The following TBC1D9 variants were observed in gnomAD, a reference collection of about 807,000 sequenced individuals.
The protein encoded by TBC1D9 is TBC1 domain family member 9A.
Under a neutral mutation model 132.0 loss-of-function variants are expected in TBC1D9, and 63 were observed. The observed-to-expected ratio is 0.48, with a 90% confidence interval of 0.39 to 0.59. The LOEUF (loss-of-function observed/expected upper bound fraction) is 0.59. TBC1D9 is among the 20% of genes least tolerant of loss of function. TBC1D9 has a pLI of 0.00. For synonymous variants in TBC1D9, 610 were observed against 609.9 expected, an observed-to-expected ratio of 1.00 and a Z score of 0.00; for missense variants, 1,261 against 1,592.7, an observed-to-expected ratio of 0.79 and a Z score of 3.54.
At chr4:140,670,695 A>C (rs1456303230) in intron 7 of TBC1D9, 25 bp downstream of exon 7, 1 of 1,607,194 alleles carries the variant, frequency 6.2e-7, no homozygotes, top group Admixed American at 1.7e-5. Context: ...TAAACCAAAA[A>C]TACTTTCAGG....
chr4:140,755,470 C>G (rs952887135), intron 1 of TBC1D9, among the ~76,000 whole-genome samples: 1 of 152,148 alleles, frequency 6.6e-6, no homozygotes, highest in Admixed American at 6.5e-5. Context: ...CCTTACTTAT[C>G]GCTTCCCTGG....
At chr4:140,680,213 A>G (rs1427613640) in intron 3 of TBC1D9, among the ~76,000 whole-genome samples, 1 of 152,190 alleles carries the variant, frequency 6.6e-6, no homozygotes, top group Admixed American at 6.5e-5. Context: ...CAAGATTAAT[A>G]AAAATTCATC....
intron 11 of TBC1D9, among the ~76,000 whole-genome samples, chr4:140,658,054 A>G (rs140603340): frequency 1.3e-3 from 205 of 152,296 alleles, no homozygotes; most frequent in African/African-American, 4.6e-3. Context: ...CAATCACATG[A>G]CAATTATAAG....
At chr4:140,624,683 A>G (rs1030432583) in intron 18 of TBC1D9, among the ~76,000 whole-genome samples, 2 of 152,210 alleles carry the variant, frequency 1.3e-5, no homozygotes, top group Non-Finnish European at 2.9e-5. Flanking sequence ...CCATAATTTT[A>G]TCTGACAACA....
Position 140,755,886 on chromosome 4 carries a change from C to G in TBC1D9, c.130+30G>C. The G allele has an allele frequency of 7.3e-6, 11 of 1,512,154 alleles. No homozygotes were observed. The South Asian group carries it at 1.2e-4, about 17-fold the overall frequency. The allele number at this position is 1,512,154 out of a possible 1,614,324, so 93.7% of individuals were successfully genotyped here. On this transcript the variant is annotated intron_variant, in intron 1 of 20. Transcript: ENST00000442267. ...GCGGCGCCGCAGCGCTCCCGGCTCCCCTCCTGCAGGGATCGGCCACGGTCC... is the reference window on the plus strand; with the variant it reads ...GCGGCGCCGCAGCGCTCCCGGCTCCGCTCCTGCAGGGATCGGCCACGGTCC...
chr4:140,695,155 T>C (rs1737934001), intron 2 of TBC1D9, among the ~76,000 whole-genome samples: 1 of 152,206 alleles, frequency 6.6e-6, no homozygotes, highest in Non-Finnish European at 1.5e-5. Flanking sequence ...TATTTAATTA[T>C]AAAAGCCAGC....
chr4:140,630,972 G>A (rs1326549015), intron 16 of TBC1D9, among the ~76,000 whole-genome samples: 1 of 152,108 alleles, frequency 6.6e-6, no homozygotes, highest in Admixed American at 6.5e-5. Context: ...CCAAATACTG[G>A]GTCCAAGGGT....
chr4:140,754,104 G>A (rs1349607504), intron 1 of TBC1D9, among the ~76,000 whole-genome samples: 1 of 152,162 alleles, frequency 6.6e-6, no homozygotes, highest in Non-Finnish European at 1.5e-5. Context: ...CAAGTGGACC[G>A]TAGTCAGTTA....
chr4:140,747,520 A>C (rs1424170729), intron 1 of TBC1D9, among the ~76,000 whole-genome samples: 1 of 152,208 alleles, frequency 6.6e-6, no homozygotes, highest in Non-Finnish European at 1.5e-5. Flanking sequence ...TACCAATATC[A>C]ACTAATCAGG....
intron 1 of TBC1D9, among the ~76,000 whole-genome samples, chr4:140,720,916 G>C (rs1353209507): frequency 4.6e-5 from 7 of 152,214 alleles, no homozygotes; most frequent in Non-Finnish European, 8.8e-5. Context: ...TGTGCGCCCA[G>C]ACAGGAGCCA....
chr4:140,679,912 GA>G, intron 3 of TBC1D9, 69 bp from the exon 4 acceptor site: 1 of 1,303,320 alleles, frequency 7.7e-7, no homozygotes, highest in South Asian at 1.7e-5. Context: ...TATTCCAGAA[GA>G]AAAAATTTCT....
chr4:140,688,114 G>A (rs1737817161), intron 2 of TBC1D9, among the ~76,000 whole-genome samples: 1 of 152,030 alleles, frequency 6.6e-6, no homozygotes, highest in South Asian at 2.1e-4. Flanking sequence ...AAAAAAGCAG[G>A]TATCTTAGTG....
chr4:140,724,040 G>A (rs1578856876), intron 1 of TBC1D9, among the ~76,000 whole-genome samples: 2 of 152,308 alleles, frequency 1.3e-5, no homozygotes, highest in Middle Eastern at 6.8e-3. Context: ...AGCCAAAAAT[G>A]TCAAGTTAAA....
chr4:140,648,292 A>C (rs1217670301), intron 13 of TBC1D9, among the ~76,000 whole-genome samples: 5 of 151,920 alleles, frequency 3.3e-5, no homozygotes, highest in African/African-American at 1.2e-4. Context: ...ATGTAATCCA[A>C]CTCAATTCTT....
rs755457722 is a variant in TBC1D9, at chr4:140,678,958, C to A, written c.835G>T (p.Val279Leu). The A allele has an allele frequency of 1.2e-6, 2 of 1,613,874 alleles. No homozygotes were observed. Among genetic ancestry groups the A allele is most frequent in the South Asian group, 1.1e-5 (1 of 91,078 alleles). Residue 279 changes from valine to leucine, a missense_variant, in exon 5 of 21, where the codon GTG (valine) becomes TTG (leucine). Val to Leu is a conservative substitution (Grantham distance 32, BLOSUM62 1). This residue lies in a region of TBC1D9 where 550 missense variants were observed against 699.0 expected (regional missense o/e 0.79). Transcript: ENST00000442267. ...PKLKRKSPKK[V>L]SALKRDLDAR... ...ATCACCCACCGTTTTAGAGCAGACA[C>A]TTTTTTAGGAGATTTCCTTTTGAGT... is the stretch of plus-strand genomic sequence containing the variant.
rs768420116 is a variant in TBC1D9 at position 140,755,774 on chromosome 4, C to T, written c.130+142G>A. On this transcript the variant is annotated intron_variant, in intron 1 of 20. Transcript: ENST00000442267. ...TGCCCAACCTGAACATCACGACTCT[C>T]GATGCCTCGCATACAACGAGGCAGG... 6.2e-4 allele frequency: 808 copies of T among 1,298,944 alleles called. 2 individuals carry two copies. Among genetic ancestry groups the T allele is most frequent in the Middle Eastern group, 1.1e-3 (4 of 3,558 alleles). 80.5% of individuals were successfully genotyped at this position (1,298,944 alleles called of 1,614,324 possible). A position where few individuals can be genotyped will look rare whatever the true frequency, so the allele number is the denominator to read the frequency against.
chr4:140,709,462 A>G (rs1257301297), intron 1 of TBC1D9, among the ~76,000 whole-genome samples: 7 of 151,922 alleles, frequency 4.6e-5, no homozygotes, highest in African/African-American at 9.7e-5. Flanking sequence ...AATCTGTTAC[A>G]GACTGACACT....
chr4:140,668,851 A>C, intron 9 of TBC1D9, 66 bp downstream of exon 9: 4 of 1,565,224 alleles, frequency 2.6e-6, no homozygotes, highest in Non-Finnish European at 3.5e-6. Context: ...GACTGAAGGC[A>C]CAGGGAGGCC....
chr4:140,644,498 G>GC, intron 13 of TBC1D9: 1 of 298,974 alleles, frequency 3.3e-6, no homozygotes, highest in East Asian at 1.3e-4. Flanking sequence ...CGGCAGCCAG[G>GC]CGGGGGGCTT....
Sources: allele counts gnomAD v4.1 joint callset (sites outside exome capture counted in the v4.1 genomes callset), GRCh38; gene constraint gnomAD v4.1.1; regional missense constraint gnomAD v4.1.1; transcripts MANE v1.5; gene names NCBI Gene and HGNC (gene_info 2026-07-23, HGNC 2026-07-21).